The following DNAI7 variants were observed in gnomAD, a reference collection of about 807,000 sequenced individuals.
DNAI7 encodes cancer susceptibility 1.
A neutral mutation model predicts 86.6 loss-of-function variants in DNAI7; 78 were observed. The observed-to-expected ratio is 0.90, with a 90% CI of 0.75 to 1.09. DNAI7 has a LOEUF of 1.09. Among genes scored for constraint, DNAI7 ranks in the 50% least tolerant of loss-of-function variants. The probability of loss-of-function intolerance (pLI) is 0.00; values close to 1 mark genes in which losing one functional copy is unlikely to be tolerated. For synonymous variants in DNAI7, 274 were observed against 273.0 expected (o/e 1.00, Z -0.04); for missense variants, 753 against 810.2 (o/e 0.93, Z 0.86).
At chr12:25,167,639 C>T (rs973934745) in intron 2 of DNAI7, among the ~76,000 whole-genome samples, 1 of 152,150 alleles carries the variant, frequency 6.6e-6, no homozygotes, top group African/African-American at 2.4e-5. Context: ...TACATGCAGA[C>T]TAGGCAACAT....
At chr12:25,107,910 G>C, downstream of DNAI7, 1 of 1,614,180 alleles carries the variant, frequency 6.2e-7, no homozygotes, top group Non-Finnish European at 8.5e-7. Flanking sequence ...TCATTGTACT[G>C]TTTGCAGCTT....
intron 2 of DNAI7, among the ~76,000 whole-genome samples, chr12:25,189,779 G>C (rs1950339164): frequency 6.6e-6 from 1 of 152,056 alleles, no homozygotes; most frequent in African/African-American, 2.4e-5. Context: ...TCCCTGTTGG[G>C]ACCAAGCAGG....
intron 3 of DNAI7, among the ~76,000 whole-genome samples, chr12:25,158,997 A>C (rs1946535460): frequency 6.6e-6 from 1 of 152,234 alleles, no homozygotes; most frequent in Non-Finnish European, 1.5e-5. Flanking sequence ...GAGACTGAAA[A>C]CCAGTTCAAC....
At chr12:25,156,888 C>T (rs543474938) in intron 4 of DNAI7, among the ~76,000 whole-genome samples, 1 of 152,168 alleles carries the variant, frequency 6.6e-6, no homozygotes, top group South Asian at 2.1e-4. Context: ...ATGATAATGC[C>T]AAATCATGTA....
intron 13 of DNAI7, among the ~76,000 whole-genome samples, chr12:25,113,188 A>T (rs1939307323): frequency 6.6e-6 from 1 of 152,164 alleles, no homozygotes. Flanking sequence ...TATATACAAC[A>T]GGAGGGTAGA....
intron 9 of DNAI7, among the ~76,000 whole-genome samples, chr12:25,124,063 C>T (rs200245768): frequency 2.6e-5 from 1 of 37,744 alleles, no homozygotes; most frequent in Admixed American, 4.0e-4. Flanking sequence ...TGTGTGTGTG[C>T]TAATACTTGC....
intron 2 of DNAI7, among the ~76,000 whole-genome samples, chr12:25,167,180 G>A (rs370283541): frequency 6.6e-6 from 1 of 152,162 alleles, no homozygotes; most frequent in African/African-American, 2.4e-5. Flanking sequence ...CTATGCTATA[G>A]TACAAGCCAC....
At chr12:25,170,353 T>C (rs535147445) in intron 2 of DNAI7, among the ~76,000 whole-genome samples, 53 of 149,684 alleles carry the variant, frequency 3.5e-4, no homozygotes, top group Non-Finnish European at 7.2e-4. Flanking sequence ...ATTGCGCCAC[T>C]GCACTCCAGC....
At position 25,131,993 on chromosome 12, in the gene DNAI7, C is replaced by T. The variant is rs137932529; in HGVS notation, c.1003-8707G>A. 3.7e-3 allele frequency among the ~76,000 whole-genome samples: 559 copies of T among 151,780 alleles called. 4 individuals carry two copies. Among genetic ancestry groups the T allele is most frequent in the African/African-American group, 0.012 (512 of 41,376 alleles). On this transcript the variant is annotated intron_variant, in intron 9 of 15. Transcript: ENST00000395987. ...GGACATCTGATTTAATCTGAGGAGACGGAGGATTCTCTGGAGGTAAAATTT... is the reference window on the plus strand; with the variant it reads ...GGACATCTGATTTAATCTGAGGAGATGGAGGATTCTCTGGAGGTAAAATTT...
In DNAI7 at chr12:25,195,081, A is replaced by G; in HGVS notation, c.-3T>C. On this transcript the variant is annotated 5_prime_UTR_variant, in exon 1 of 16. Coordinates refer to ENST00000395987, the MANE Select transcript of DNAI7 (RefSeq NM_018272.5). ...GCCTCATTTGCCTTGCTCACCATTAAGAGTCAAGCTCCACTGCAGTAGTCC... is the reference window on the plus strand; with the variant it reads ...GCCTCATTTGCCTTGCTCACCATTAGGAGTCAAGCTCCACTGCAGTAGTCC... The G allele has an allele frequency of 6.2e-7, 1 of 1,614,224 alleles. No homozygotes were observed. The highest frequency in any genetic ancestry group is 1.1e-5 in the South Asian group (1 of 91,092).
intron 15 of DNAI7, 124 bp downstream of exon 15, chr12:25,110,003 T>A (rs1388616469): frequency 4.9e-6 from 3 of 608,310 alleles, no homozygotes; most frequent in African/African-American, 3.7e-5. Flanking sequence ...TAAAATTCCG[T>A]ATTGAATGTT....
At chr12:25,147,958 T>C (rs545478363) in intron 7 of DNAI7, among the ~76,000 whole-genome samples, 1 of 152,294 alleles carries the variant, frequency 6.6e-6, no homozygotes, top group African/African-American at 2.4e-5. Flanking sequence ...AATTTTAAAA[T>C]AAAAACTAAC....
intron 9 of DNAI7, among the ~76,000 whole-genome samples, chr12:25,129,400 A>G (rs1432183473): frequency 6.6e-6 from 1 of 152,208 alleles, no homozygotes; most frequent in Non-Finnish European, 1.5e-5. Context: ...AGGTAGGCGT[A>G]TGATAAATAT....
chr12:25,190,683 CAAAA>C, intron 1 of DNAI7, 52 bp from the exon 2 acceptor site: 2 of 1,058,516 alleles, frequency 1.9e-6, no homozygotes, highest in East Asian at 2.6e-5. Context: ...AATTCTGATA[CAAAA>C]GTATCATGAT....
intron 9 of DNAI7, among the ~76,000 whole-genome samples, chr12:25,123,751 A>G (rs186232443): frequency 1.3e-5 from 2 of 152,310 alleles, no homozygotes; most frequent in East Asian, 3.9e-4. Flanking sequence ...TAGTGCAGTA[A>G]AAATAATCTA....
chr12:25,153,556 T>C (rs1945812224), intron 6 of DNAI7, among the ~76,000 whole-genome samples: 2 of 152,234 alleles, frequency 1.3e-5, no homozygotes, highest in Non-Finnish European at 2.9e-5. Flanking sequence ...ATCCATAATG[T>C]CTTTTGAGGC....
At chr12:25,129,603 A>G (rs1179915316) in intron 9 of DNAI7, among the ~76,000 whole-genome samples, 4 of 152,060 alleles carry the variant, frequency 2.6e-5, no homozygotes, top group African/African-American at 7.2e-5. Context: ...TACTAAGGCT[A>G]TTTCATGTCT....
At chr12:25,144,771 T>A in intron 8 of DNAI7, 94 bp from the exon 9 acceptor site, 1 of 990,496 alleles carries the variant, frequency 1.0e-6, no homozygotes, top group Non-Finnish European at 1.5e-6. Flanking sequence ...CTCTTCACTT[T>A]AATTTTGCTC....
In DNAI7 at chr12:25,174,681, T is replaced by TATATATGGAATATAGATATC. The variant is rs1239122846; in HGVS notation, c.22-13485_22-13484insGATATCTATATTCCATATAT. Among the ~76,000 whole-genome samples, 35 of 59,020 alleles carry TATATATGGAATATAGATATC rather than the reference T, an allele frequency of 5.9e-4. 1 individual carries two copies. The highest frequency in any genetic ancestry group is 9.2e-4 in the African/African-American group (12 of 13,110). The allele number at this position is 59,020 out of a possible 152,430, so 38.7% of individuals were successfully genotyped here. On this transcript the variant is annotated intron_variant, in intron 2 of 15. Coordinates refer to ENST00000395987, the MANE Select transcript of DNAI7 (RefSeq NM_018272.5). ...TCATATATATGGAATATATATATCA[T>TATATATGGAATATAGATATC]ATATATATGGAATATAGATATCATA... is the stretch of plus-strand genomic sequence containing the variant.
Sources: gnomAD v4.1 joint callset for allele counts (sites outside exome capture counted in the v4.1 genomes callset) on GRCh38, gnomAD v4.1.1 for gene constraint, MANE v1.5 for transcripts, NCBI Gene and HGNC (gene_info 2026-07-23, HGNC 2026-07-21) for gene names.